MROH1: variants seen among roughly 807,000 people sequenced by gnomAD.
MROH1 encodes maestro heat like repeat family member 1, also known as maestro heat-like repeat-containing protein family member 1.
Under a neutral mutation model 116.5 loss-of-function variants are expected in MROH1, and 117 were observed. The observed-to-expected ratio is 1.00, with a 90% confidence interval of 0.86 to 1.17. The LOEUF (loss-of-function observed/expected upper bound fraction) is 1.17, where lower values mean the gene tolerates loss of function less well. Among genes scored for constraint, MROH1 ranks in the 50% most tolerant of loss-of-function variants. MROH1 has a pLI of 0.00. For synonymous variants in MROH1, 921 were observed against 583.9 expected (o/e 1.58, Z -8.32); for missense variants, 1,873 against 1,338.5 (o/e 1.40, Z -6.23).
rs779609039 is a variant in MROH1, at chr8:144,168,454, T to A, written c.168+14T>A. ...CAGCATGACAAGGTATGTGTGCTCC[T>A]TGGTGGGGATGATGTTGTCAGGGCC... is the stretch of plus-strand genomic sequence containing the variant. On this transcript the variant is annotated intron_variant, in intron 4 of 43. Coordinates refer to ENST00000326134, the MANE Select transcript of MROH1 (RefSeq NM_032450.3). 1 of 1,591,980 alleles carries A rather than the reference T, an allele frequency of 6.3e-7. No individual in the cohort carries two copies. Among genetic ancestry groups the A allele is most frequent in the Admixed American group, 1.7e-5 (1 of 57,768 alleles).
intron 33 of MROH1, chr8:144,254,578 A>G: frequency 1.8e-6 from 1 of 544,446 alleles, no homozygotes; most frequent in Non-Finnish European, 3.3e-6. Context: ...CCCTGTGTGT[A>G]TAGGCCCAGA....
chr8:144,240,938 G>A, intron 20 of MROH1, 54 bp from the exon 21 acceptor site: 1 of 717,284 alleles, frequency 1.4e-6, no homozygotes, highest in South Asian at 1.5e-5. Flanking sequence ...GGCAGCGCTG[G>A]GTCTCCCTGT....
At chr8:144,256,244 G>A (rs1843749401) in intron 35 of MROH1, among the ~76,000 whole-genome samples, 1 of 152,168 alleles carries the variant, frequency 6.6e-6, no homozygotes. Context: ...AGGCGTGGCT[G>A]TGTGGCCTGA....
At chr8:144,148,628 G>A (rs1815987645) in intron 1 of MROH1, 1 of 152,716 alleles carries the variant, frequency 6.5e-6, no homozygotes. Flanking sequence ...AAGGTGATTT[G>A]TCCCTAGTCA....
At chr8:144,177,958 TTTC>T (rs953709285) in intron 4 of MROH1, among the ~76,000 whole-genome samples, 22 of 112,750 alleles carry the variant, frequency 2.0e-4, no homozygotes, top group African/African-American at 5.8e-4. Context: ...GTCTCCGGTA[TTTC>T]TTCTTCTTTT....
chr8:144,221,105 A>AC (rs1418471839), intron 13 of MROH1, among the ~76,000 whole-genome samples: 5 of 151,328 alleles, frequency 3.3e-5, no homozygotes, highest in East Asian at 3.9e-4. Flanking sequence ...ACAGTGTTAG[A>AC]CCCCCCGCCC....
chr8:144,260,319 A>T lies in MROH1; in HGVS notation c.4325A>T (p.Asp1442Val), dbSNP rs1292158814. 5 of 745,322 alleles carry T rather than the reference A, an allele frequency of 6.7e-6. No homozygotes were observed. In the African/African-American group the frequency reaches 6.8e-5, roughly 10 times the overall value. The allele number at this position is 745,322 out of a possible 1,614,324, so 46.2% of individuals were successfully genotyped here. A position where few individuals can be genotyped will look rare whatever the true frequency, so the allele number is the denominator to read the frequency against. Residue 1442 changes from aspartate (D) to valine (V), a missense_variant, in exon 39 of 44, where the codon GAC becomes GTC. Coordinates refer to ENST00000326134, the MANE Select transcript of MROH1 (RefSeq NM_032450.3). ...CTGGTGCACCTGGTGGAGTCCTGGG[A>T]CCTGCGCTCAGGGCTGCTGCACGTG... ...ARLVHLVESW[D>V]LRSGLLHVAI...
chr8:144,243,414 G>A (rs967900135), intron 24 of MROH1, 80 bp from the exon 25 acceptor site: 2 of 757,952 alleles, frequency 2.6e-6, no homozygotes, highest in Non-Finnish European at 4.8e-6. Flanking sequence ...TCTGGTTTCA[G>A]AGGAAAGAAA....
intron 12 of MROH1, among the ~76,000 whole-genome samples, chr8:144,209,518 G>T (rs1833621519): frequency 6.6e-6 from 1 of 150,616 alleles, no homozygotes; most frequent in African/African-American, 2.4e-5. Flanking sequence ...GGCAGAGCTT[G>T]CAGTGAGCTG....
intron 10 of MROH1, chr8:144,192,652 C>T: frequency 3.0e-6 from 2 of 669,564 alleles, no homozygotes; most frequent in South Asian, 3.1e-5. Context: ...GTGCCCAGGC[C>T]CAGTGCAGGC....
chr8:144,158,837 T>C (rs534889895), intron 1 of MROH1, among the ~76,000 whole-genome samples: 11 of 152,130 alleles, frequency 7.2e-5, no homozygotes, highest in African/African-American at 2.6e-4. Context: ...ATTGACCTCC[T>C]GGGCTCAAGT....
At chr8:144,239,797 G>C in intron 18 of MROH1, 42 bp downstream of exon 18, 2 of 715,088 alleles carry the variant, frequency 2.8e-6, no homozygotes, top group Non-Finnish European at 5.2e-6. Flanking sequence ...CCTGTGGGGA[G>C]GGCAGGTCTC....
In MROH1 at chr8:144,247,291, C is replaced by T; in HGVS notation, c.2872-10C>T. The stretch of plus-strand genomic sequence containing the variant: ...CAGCATTCTAATAGCCCAGGCATCT[C>T]CTCCTCCAGGCCCTGGTGCCCTTCC... On this transcript the variant is annotated splice_polypyrimidine_tract_variant and intron_variant, in intron 29 of 43. Transcript: ENST00000326134. The T allele has an allele frequency of 2.6e-6, 2 of 768,228 alleles. No homozygotes were observed. The highest frequency in any genetic ancestry group is 1.7e-5 in the Admixed American group (1 of 58,734). 47.6% of individuals were successfully genotyped at this position (768,228 alleles called of 1,614,324 possible).
intron 10 of MROH1, among the ~76,000 whole-genome samples, chr8:144,196,113 AC>A (rs1197875753): frequency 3.3e-5 from 5 of 151,620 alleles, no homozygotes; most frequent in Non-Finnish European, 4.4e-5. Flanking sequence ...ACATAGTGAA[AC>A]CCTGTCTCTA....
In MROH1 at chr8:144,242,410, G is replaced by T. The variant is rs1213435737; in HGVS notation, c.2220G>T (p.Leu740=). The T allele has an allele frequency of 2.0e-5, 16 of 780,734 alleles. No individual in the cohort carries two copies. The Admixed American group carries it at 2.7e-4, about 13-fold the overall frequency. 48.4% of individuals were successfully genotyped at this position (780,734 alleles called of 1,614,324 possible). A position where few individuals can be genotyped will look rare whatever the true frequency, so the allele number is the denominator to read the frequency against. The change falls in exon 23 of 44, where the codon CTG becomes CTT. Residue 740 remains leucine, a synonymous_variant. Coordinates refer to ENST00000326134, the MANE Select transcript of MROH1 (RefSeq NM_032450.3). ...ENEVEKVKSA[L]ILCYGHVAAR... is the part of the protein sequence containing the mutation. ...AAGTGGAGAAGGTGAAGAGTGCTCT[G>T]ATCCTGTGCTATGGGCACGTGGCGG...
intron 1 of MROH1, among the ~76,000 whole-genome samples, chr8:144,153,962 G>T (rs1056539923): frequency 6.6e-6 from 1 of 152,116 alleles, no homozygotes; most frequent in Non-Finnish European, 1.5e-5. Flanking sequence ...GGGTTTCACC[G>T]TGTTAGCCAG....
chr8:144,230,772 G>A (rs1554822511), intron 14 of MROH1, among the ~76,000 whole-genome samples: 1 of 143,846 alleles, frequency 7.0e-6, no homozygotes, highest in African/African-American at 2.6e-5. Flanking sequence ...AAGACATCAG[G>A]TCCTGGATTT....
At chr8:144,181,242 G>A (rs1175571674) in intron 7 of MROH1, among the ~76,000 whole-genome samples, 2 of 114,646 alleles carry the variant, frequency 1.7e-5, no homozygotes, top group East Asian at 5.2e-4. Flanking sequence ...TGGGGCCGGG[G>A]GCCGTTAGTT....
At chr8:144,216,461 A>G (rs1835289067) in intron 12 of MROH1, among the ~76,000 whole-genome samples, 1 of 152,076 alleles carries the variant, frequency 6.6e-6, no homozygotes, top group Non-Finnish European at 1.5e-5. Context: ...GCAACAGAGC[A>G]AGACTCCATC....
Sources: allele counts gnomAD v4.1 joint callset (sites outside exome capture counted in the v4.1 genomes callset), GRCh38; gene constraint gnomAD v4.1.1; transcripts MANE v1.5; gene names NCBI Gene and HGNC (gene_info 2026-07-23, HGNC 2026-07-21).